ROBO1: variants seen among roughly 807,000 people sequenced by gnomAD.
ROBO1 encodes roundabout guidance receptor 1.
Under a neutral mutation model 195.9 loss-of-function variants are expected in ROBO1, and 149 were observed. That is an observed-to-expected ratio of 0.76 (90% CI 0.67 to 0.87). ROBO1 has a LOEUF of 0.87. ROBO1 is among the 40% of genes least tolerant of loss of function. The probability of loss-of-function intolerance (pLI) is 0.00; values close to 1 mark genes in which losing one functional copy is unlikely to be tolerated. For missense variants in ROBO1, 1,933 were observed against 2,068.3 expected (o/e 0.93, Z 1.27); for synonymous variants, 816 against 733.2 (o/e 1.11, Z -1.82).
In ROBO1 at chr3:79,520,479, A is replaced by G. The variant is rs72901905; in HGVS notation, c.88+69345T>C. Among the ~76,000 whole-genome samples, 1,028 of 152,316 alleles carry G rather than the reference A, an allele frequency of 6.7e-3. 6 individuals carry two copies. The highest frequency in any genetic ancestry group is 0.023 in the African/African-American group (965 of 41,572). Reference sequence around the variant, plus strand: ...CATTAATGAGTATAGAACTCAGGAGATAATATGATATCCAGATTTGTTCCT... The same window carrying G: ...CATTAATGAGTATAGAACTCAGGAGGTAATATGATATCCAGATTTGTTCCT... On this transcript the variant is annotated intron_variant, in intron 2 of 30. Transcript: ENST00000464233.
chr3:78,991,565 G>A (rs997938172), intron 3 of ROBO1, among the ~76,000 whole-genome samples: 1 of 152,200 alleles, frequency 6.6e-6, no homozygotes, highest in African/African-American at 2.4e-5. Flanking sequence ...ACTACCAGGT[G>A]AAACCTGGTA....
intron 5 of ROBO1, among the ~76,000 whole-genome samples, chr3:78,744,170 C>T (rs1019870450): frequency 3.3e-5 from 5 of 152,170 alleles, no homozygotes; most frequent in African/African-American, 1.2e-4. Context: ...GCATCTATAC[C>T]ATTTCAGTTG....
chr3:79,525,258 A>G (rs1249486251), intron 2 of ROBO1, among the ~76,000 whole-genome samples: 2 of 150,464 alleles, frequency 1.3e-5, no homozygotes, highest in African/African-American at 4.8e-5. Flanking sequence ...TATATGTATA[A>G]TGTCTGTATA....
chr3:79,435,102 T>C (rs2038838365), intron 2 of ROBO1, among the ~76,000 whole-genome samples: 1 of 152,080 alleles, frequency 6.6e-6, no homozygotes, highest in South Asian at 2.1e-4. Context: ...TTAGGAAATA[T>C]ACCTAATATA....
intron 2 of ROBO1, among the ~76,000 whole-genome samples, chr3:79,322,556 C>T (rs557717358): frequency 6.6e-6 from 1 of 152,302 alleles, no homozygotes; most frequent in African/African-American, 2.4e-5. Context: ...CTAGGAAAGA[C>T]AACTAGGTGA....
intron 2 of ROBO1, among the ~76,000 whole-genome samples, chr3:79,589,265 G>T (rs1576077719): frequency 6.6e-6 from 1 of 151,606 alleles, no homozygotes; most frequent in South Asian, 2.1e-4. Flanking sequence ...TTAAAGAAAT[G>T]CTATTCTATA....
chr3:78,599,181 C>G (rs893667962), intron 30 of ROBO1, among the ~76,000 whole-genome samples: 2 of 152,012 alleles, frequency 1.3e-5, no homozygotes, highest in Non-Finnish European at 2.9e-5. Flanking sequence ...CTCTGAGAAG[C>G]GGGAAGGAAT....
At chr3:79,197,757 T>C (rs1218641759) in intron 2 of ROBO1, among the ~76,000 whole-genome samples, 1 of 152,114 alleles carries the variant, frequency 6.6e-6, no homozygotes, top group Non-Finnish European at 1.5e-5. Flanking sequence ...GATATCTTAT[T>C]GTGGTTTTGA....
At chr3:79,674,507 C>T (rs1014234376) in intron 1 of ROBO1, among the ~76,000 whole-genome samples, 1 of 151,836 alleles carries the variant, frequency 6.6e-6, no homozygotes, top group Non-Finnish European at 1.5e-5. Context: ...CATACTTATA[C>T]AGTACTGAGG....
intron 2 of ROBO1, among the ~76,000 whole-genome samples, chr3:79,510,701 T>C (rs1173935336): frequency 6.6e-6 from 1 of 152,074 alleles, no homozygotes; most frequent in African/African-American, 2.4e-5. Context: ...ATGTGTAAGG[T>C]ATGAAATGTC....
intron 1 of ROBO1, among the ~76,000 whole-genome samples, chr3:79,683,808 T>C (rs543499412): frequency 2.0e-5 from 3 of 152,228 alleles, no homozygotes; most frequent in African/African-American, 7.2e-5. Context: ...GAATAATATT[T>C]CATTGTTTGG....
At chr3:78,603,097 C>T (rs1470217039) in intron 29 of ROBO1, among the ~76,000 whole-genome samples, 1 of 152,136 alleles carries the variant, frequency 6.6e-6, no homozygotes, top group Non-Finnish European at 1.5e-5. Flanking sequence ...CTGGGGGTTG[C>T]ACACATCTTC....
At chr3:78,753,321 A>G (rs1373162449) in intron 4 of ROBO1, among the ~76,000 whole-genome samples, 5 of 152,178 alleles carry the variant, frequency 3.3e-5, no homozygotes, top group Non-Finnish European at 7.3e-5. Context: ...GATTGGGTTC[A>G]AGCTTAAACC....
At chr3:78,727,437 T>C (rs1253877960) in intron 5 of ROBO1, among the ~76,000 whole-genome samples, 1 of 152,036 alleles carries the variant, frequency 6.6e-6, no homozygotes, top group East Asian at 1.9e-4. Flanking sequence ...CCATCCTGGC[T>C]AACACGGTGA....
chr3:79,766,496 G>A (rs1311729862), intron 1 of ROBO1, among the ~76,000 whole-genome samples: 1 of 151,692 alleles, frequency 6.6e-6, no homozygotes, highest in African/African-American at 2.4e-5. Flanking sequence ...TAGCGGCCAG[G>A]TGTGAGCGCC....
At chr3:79,679,257 AAAC>A (rs1332245624) in intron 1 of ROBO1, among the ~76,000 whole-genome samples, 4 of 152,060 alleles carry the variant, frequency 2.6e-5, no homozygotes, top group Non-Finnish European at 5.9e-5. Context: ...TTGCATTTTG[AAAC>A]AACGTGTCTT....
At chr3:79,606,598 G>A (rs1009352199) in intron 1 of ROBO1, among the ~76,000 whole-genome samples, 1 of 151,818 alleles carries the variant, frequency 6.6e-6, no homozygotes, top group Non-Finnish European at 1.5e-5. Context: ...TACTTAACCT[G>A]TTATTCTATC....
chr3:78,611,807 A>G (rs895041109), intron 28 of ROBO1, among the ~76,000 whole-genome samples: 6 of 152,212 alleles, frequency 3.9e-5, no homozygotes, highest in East Asian at 1.9e-4. Context: ...TGATGTCATT[A>G]CAAGAGGAGA....
At chr3:79,200,325 T>C (rs1205098511) in intron 2 of ROBO1, among the ~76,000 whole-genome samples, 1 of 151,790 alleles carries the variant, frequency 6.6e-6, no homozygotes, top group Non-Finnish European at 1.5e-5. Flanking sequence ...AAAATGTATT[T>C]GCAAAAAATA....
Sources: gnomAD v4.1 joint callset for allele counts (sites outside exome capture counted in the v4.1 genomes callset) on GRCh38, gnomAD v4.1.1 for gene constraint, MANE v1.5 for transcripts, NCBI Gene and HGNC (gene_info 2026-07-23, HGNC 2026-07-21) for gene names.